MGAT5: variants seen among roughly 807,000 people sequenced by gnomAD.
MGAT5 encodes alpha-1,6-mannosylglycoprotein 6-beta-N-acetylglucosaminyltransferase A.
In MGAT5, 30 loss-of-function variants were observed where a neutral mutation model predicts 94.3. That is an observed-to-expected ratio of 0.32 (90% CI 0.24 to 0.43). MGAT5 has a LOEUF of 0.43. MGAT5 is among the 20% of genes least tolerant of loss of function. MGAT5 has a pLI of 1.00. For synonymous variants in MGAT5, 310 were observed against 322.9 expected (o/e 0.96, Z 0.43); for missense variants, 691 against 905.5 (o/e 0.76, Z 3.04).
chr2:134,184,574 G>A (rs372495633), intron 1 of MGAT5, among the ~76,000 whole-genome samples: 30 of 152,216 alleles, frequency 2.0e-4, no homozygotes, highest in South Asian at 1.9e-3. Context: ...GTGTTCTTGC[G>A]ATACTGTGTG....
chr2:134,121,603 T>C (rs939352901), intron 1 of MGAT5, among the ~76,000 whole-genome samples: 2 of 152,212 alleles, frequency 1.3e-5, no homozygotes, highest in African/African-American at 4.8e-5. Context: ...CGCCGCTATC[T>C]GCACCTGGCT....
In MGAT5 at chr2:134,453,268, T is replaced by G. The variant is rs1686194901; in HGVS notation, c.*4421T>G. 1 of 152,196 alleles carries G rather than the reference T, an allele frequency of 6.6e-6. No individual in the cohort carries two copies. The highest frequency in any genetic ancestry group is 2.4e-5 in the African/African-American group (1 of 41,446). The allele number at this position is 152,196 out of a possible 1,614,324, so 9.4% of individuals were successfully genotyped here. A position where few individuals can be genotyped will look rare whatever the true frequency, so the allele number is the denominator to read the frequency against. ...CGGCCTACCCTGCTGGTTGGGATCT[T>G]ACTGTATTCTTGAATGCACTGGTTT... On this transcript the variant is annotated 3_prime_UTR_variant, in exon 16 of 16. Transcript: ENST00000281923.
chr2:134,207,585 A>AG (rs1573865186), intron 1 of MGAT5, among the ~76,000 whole-genome samples: 1 of 151,872 alleles, frequency 6.6e-6, no homozygotes, highest in African/African-American at 2.4e-5. Context: ...TTAAAAAAAA[A>AG]AAAAAGAAAA....
chr2:134,316,214 A>G (rs1413913416), intron 2 of MGAT5, among the ~76,000 whole-genome samples: 1 of 152,108 alleles, frequency 6.6e-6, no homozygotes, highest in African/African-American at 2.4e-5. Flanking sequence ...CCTCCATAAC[A>G]TTATTCTGCC....
chr2:134,317,178 ACCCTCC>A (rs1342257845), intron 2 of MGAT5, among the ~76,000 whole-genome samples: 1 of 151,906 alleles, frequency 6.6e-6, no homozygotes, highest in East Asian at 1.9e-4. Context: ...GTGCTGGAGG[ACCCTCC>A]TAATCACATG....
intron 1 of MGAT5, among the ~76,000 whole-genome samples, chr2:134,162,524 A>G (rs1047478151): frequency 1.3e-5 from 2 of 152,358 alleles, no homozygotes; most frequent in East Asian, 3.9e-4. Flanking sequence ...TAGTCCTTAG[A>G]CGAATCCTTT....
rs116186463 is a variant in MGAT5 at position 134,205,909 on chromosome 2, G to C, written c.-142-48353G>C. 6.2e-3 allele frequency among the ~76,000 whole-genome samples: 950 copies of C among 152,300 alleles called. 9 individuals carry two copies. The highest frequency in any genetic ancestry group is 0.021 in the African/African-American group (880 of 41,562). ...AATAGAAATCCCTGCAGAGATGTTA[G>C]AAAACCAGCATTACAGCATGCCAAG... On this transcript the variant is annotated intron_variant, in intron 1 of 16. Transcript: ENST00000409645.
intron 12 of MGAT5, 83 bp downstream of exon 12, chr2:134,413,098 T>A: frequency 6.8e-7 from 1 of 1,475,444 alleles, no homozygotes; most frequent in Non-Finnish European, 9.3e-7. Context: ...ATTAACTTCA[T>A]CTAACATGAT....
At chr2:134,420,261 C>T (rs1307383300) in intron 12 of MGAT5, among the ~76,000 whole-genome samples, 3 of 151,956 alleles carry the variant, frequency 2.0e-5, no homozygotes, top group Non-Finnish European at 4.4e-5. Context: ...TAGCAGGAAG[C>T]GTAGGGCTTC....
At chr2:134,250,264 A>G (rs551987279), upstream of MGAT5, among the ~76,000 whole-genome samples, 3 of 152,352 alleles carry the variant, frequency 2.0e-5, no homozygotes, top group South Asian at 4.1e-4. Context: ...AGTCACGGCC[A>G]TGAGCTGACA....
intron 4 of MGAT5, among the ~76,000 whole-genome samples, chr2:134,323,498 A>G (rs953207060): frequency 6.6e-6 from 1 of 152,134 alleles, no homozygotes; most frequent in African/African-American, 2.4e-5. Context: ...TGCCAACTCT[A>G]AAGAGTAATG....
chr2:134,386,240 G>C (rs539319530), intron 10 of MGAT5, among the ~76,000 whole-genome samples: 1 of 152,006 alleles, frequency 6.6e-6, no homozygotes, highest in South Asian at 2.1e-4. Context: ...CCATTGATAG[G>C]AAAAGCAAAA....
rs1488529353 is a variant in MGAT5 at position 134,209,141 on chromosome 2, AT to A, written c.-142-45111del. ...GAGGGATTGTATATAGAACTGGCTT[AT>A]TTTTTTTTTATTTTTTTTTTTTTTT... On this transcript the variant is annotated intron_variant, in intron 1 of 16. Transcript: ENST00000409645. 2.5e-4 allele frequency among the ~76,000 whole-genome samples: 4 copies of A among 16,082 alleles called. 1 individual carries two copies. Among genetic ancestry groups the A allele is most frequent in the Admixed American group, 1.7e-3 (2 of 1,186 alleles). The allele number at this position is 16,082 out of a possible 152,430, so 10.6% of individuals were successfully genotyped here.
At chr2:134,298,343 C>G (rs1244605624) in intron 2 of MGAT5, among the ~76,000 whole-genome samples, 1 of 152,182 alleles carries the variant, frequency 6.6e-6, no homozygotes, top group East Asian at 1.9e-4. Context: ...AGTGATCTAC[C>G]TGCCTCGGCC....
chr2:134,183,164 A>G (rs1396470043), intron 1 of MGAT5, among the ~76,000 whole-genome samples: 1 of 152,190 alleles, frequency 6.6e-6, no homozygotes, highest in African/African-American at 2.4e-5. Context: ...AAATGTGGCA[A>G]TTAAACAAAC....
intron 2 of MGAT5, among the ~76,000 whole-genome samples, chr2:134,273,622 C>CTGTGTG (rs3034326): frequency 2.0e-4 from 30 of 149,792 alleles, no homozygotes; most frequent in Non-Finnish European, 3.9e-4. Context: ...GGGGATAGCT[C>CTGTGTG]TGTGTGTGTG....
chr2:134,147,595 T>TA (rs58073087), intron 1 of MGAT5, among the ~76,000 whole-genome samples: 20,041 of 111,682 alleles, frequency 0.18, 1,859 homozygotes, highest in East Asian at 0.36. Context: ...ACAGAGTTAA[T>TA]AAAAAAAAAA....
chr2:134,177,273 C>A (rs1688517223), intron 1 of MGAT5, among the ~76,000 whole-genome samples: 1 of 151,470 alleles, frequency 6.6e-6, no homozygotes, highest in African/African-American at 2.4e-5. Context: ...CTTTAAAGAA[C>A]TTCTGTAGCA....
chr2:134,134,975 CA>C (rs1298632213), intron 1 of MGAT5, among the ~76,000 whole-genome samples: 2 of 152,206 alleles, frequency 1.3e-5, no homozygotes, highest in African/African-American at 4.8e-5. Context: ...TTTGGAAACT[CA>C]TGTTACCTGT....
Sources: gnomAD v4.1 joint callset for allele counts (sites outside exome capture counted in the v4.1 genomes callset) on GRCh38, gnomAD v4.1.1 for gene constraint, MANE v1.5 for transcripts, NCBI Gene and HGNC (gene_info 2026-07-23, HGNC 2026-07-21) for gene names.